GRIA1: variants seen among roughly 807,000 people sequenced by gnomAD.
GRIA1 encodes the protein glutamate receptor 1.
GRIA1 carries 31 observed loss-of-function variants against 99.2 expected under a neutral mutation model. The ratio of observed to expected loss-of-function variants is 0.31; its 90% CI spans 0.23 to 0.42. GRIA1 has a LOEUF of 0.42. Ranked by LOEUF, GRIA1 falls within the 10% of genes least tolerant of loss-of-function variation. The pLI is 1.00. For synonymous variants in GRIA1, 438 were observed against 432.4 expected (o/e 1.01, Z -0.16); for missense variants, 782 against 1,157.5 (o/e 0.68, Z 4.71).
At chr5:153,566,218 C>T (rs1034993054) in intron 2 of GRIA1, among the ~76,000 whole-genome samples, 6 of 150,162 alleles carry the variant, frequency 4.0e-5, no homozygotes, top group Admixed American at 6.7e-5. Context: ...CATTTTGTAA[C>T]GACTGATGGG....
intron 11 of GRIA1, 116 bp downstream of exon 11, chr5:153,706,183 T>G (rs1165387382): frequency 9.9e-7 from 1 of 1,011,092 alleles, no homozygotes; most frequent in Non-Finnish European, 1.5e-6. Flanking sequence ...ACCACTGTAT[T>G]CAGTTTTTCA....
At position 153,526,732 on chromosome 5, in the gene GRIA1, C is replaced by T. The variant is rs1275965793; in HGVS notation, c.220+32667C>T. ...ATCTGCAGGAGGCAGATCCTATTTG[C>T]CCGGGATCACACTGAAACACAAAGA... On this transcript the variant is annotated intron_variant, in intron 2 of 15. Transcript: ENST00000285900. Among the ~76,000 whole-genome samples, 3 of 152,200 alleles carry T rather than the reference C, an allele frequency of 2.0e-5. No homozygotes were observed. The East Asian group carries it at 5.8e-4, about 29-fold the overall frequency.
chr5:153,670,436 T>C (rs1205116331), intron 5 of GRIA1, among the ~76,000 whole-genome samples: 2 of 126,166 alleles, frequency 1.6e-5, no homozygotes, highest in East Asian at 3.9e-4. Flanking sequence ...CTCTGTAGAT[T>C]AATTTCATTT....
chr5:153,701,619 C>CAAAAAAAAAAA (rs70978504), intron 10 of GRIA1, among the ~76,000 whole-genome samples: 819 of 39,368 alleles, frequency 0.021, 170 homozygotes, highest in African/African-American at 0.055. Context: ...AGACCCGTCT[C>CAAAAAAAAAAA]AAAAAAAAAA....
At chr5:153,641,131 C>T (rs144623094) in intron 2 of GRIA1, among the ~76,000 whole-genome samples, 4 of 152,046 alleles carry the variant, frequency 2.6e-5, no homozygotes, top group Non-Finnish European at 4.4e-5. Context: ...GGAATGAGTG[C>T]CTGAAAGTCC....
intron 2 of GRIA1, among the ~76,000 whole-genome samples, chr5:153,612,744 A>G (rs975741568): frequency 2.6e-5 from 4 of 152,138 alleles, no homozygotes; most frequent in South Asian, 2.1e-4. Flanking sequence ...AAGAACTTCA[A>G]TTTAGTATTT....
chr5:153,571,850 T>G (rs1239461416), intron 2 of GRIA1, among the ~76,000 whole-genome samples: 1 of 152,210 alleles, frequency 6.6e-6, no homozygotes, highest in African/African-American at 2.4e-5. Flanking sequence ...TTGCTTCCCA[T>G]GGGCTGTTGA....
chr5:153,527,896 G>A (rs926105898), intron 2 of GRIA1, among the ~76,000 whole-genome samples: 2 of 152,104 alleles, frequency 1.3e-5, no homozygotes, highest in East Asian at 1.9e-4. Flanking sequence ...GATCAATTTC[G>A]TCAAAAGATT....
chr5:153,616,885 A>T (rs1441967665), intron 2 of GRIA1, among the ~76,000 whole-genome samples: 1 of 152,158 alleles, frequency 6.6e-6, no homozygotes, highest in African/African-American at 2.4e-5. Flanking sequence ...CAGTGTTTTC[A>T]TCCTTATAAT....
intron 2 of GRIA1, among the ~76,000 whole-genome samples, chr5:153,564,622 A>G (rs1245269098): frequency 6.6e-6 from 1 of 152,180 alleles, no homozygotes; most frequent in African/African-American, 2.4e-5. Context: ...AGGCCTCTGC[A>G]TTGGGCCTGA....
chr5:153,583,267 C>T (rs561511165), intron 2 of GRIA1, among the ~76,000 whole-genome samples: 31 of 152,244 alleles, frequency 2.0e-4, no homozygotes, highest in South Asian at 4.1e-4. Flanking sequence ...TATTAGGTTC[C>T]TAGTGTTTCT....
intron 5 of GRIA1, among the ~76,000 whole-genome samples, chr5:153,672,822 T>C (rs1411387590): frequency 6.6e-6 from 1 of 152,192 alleles, no homozygotes; most frequent in Non-Finnish European, 1.5e-5. Flanking sequence ...TCATTGGAAT[T>C]TGGTGGTTTC....
intron 13 of GRIA1, among the ~76,000 whole-genome samples, chr5:153,785,273 C>G (rs1049388795): frequency 9.2e-5 from 14 of 152,220 alleles, no homozygotes; most frequent in African/African-American, 3.4e-4. Flanking sequence ...AAATTCTCAC[C>G]CTAAATAGCC....
chr5:153,715,473 T>G (rs1759603932), intron 11 of GRIA1, among the ~76,000 whole-genome samples: 1 of 152,122 alleles, frequency 6.6e-6, no homozygotes, highest in African/African-American at 2.4e-5. Context: ...ATTCTGACTC[T>G]ACTACCTACT....
rs190086191 is a variant in GRIA1 at position 153,634,467 on chromosome 5, T to A, written c.221-12461T>A. 3.9e-5 allele frequency among the ~76,000 whole-genome samples: 6 copies of A among 152,182 alleles called. No homozygotes were observed. The East Asian group carries it at 9.7e-4, about 25-fold the overall frequency. On this transcript the variant is annotated intron_variant, in intron 2 of 15. Transcript: ENST00000285900. ...GAGCTTTCTAGGAGATAACAGCTTG[T>A]GTAAAACCTCAAGGCAAGAAAGTCG...
At chr5:153,604,779 T>A (rs1389025852) in intron 2 of GRIA1, among the ~76,000 whole-genome samples, 1 of 152,144 alleles carries the variant, frequency 6.6e-6, no homozygotes, top group Non-Finnish European at 1.5e-5. Flanking sequence ...TATAAAACCA[T>A]CCATAAGGAA....
intron 2 of GRIA1, among the ~76,000 whole-genome samples, chr5:153,590,012 G>A (rs1297619671): frequency 6.6e-6 from 1 of 152,048 alleles, no homozygotes; most frequent in Non-Finnish European, 1.5e-5. Context: ...ATTAATATTG[G>A]TGATTCAAAA....
chr5:153,705,177 G>T lies in GRIA1; in HGVS notation c.1453-520G>T, dbSNP rs906246822. 3.9e-5 allele frequency among the ~76,000 whole-genome samples: 6 copies of T among 152,118 alleles called. 1 individual carries two copies. Among genetic ancestry groups the T allele is most frequent in the Admixed American group, 3.3e-4 (5 of 15,272 alleles). On this transcript the variant is annotated intron_variant, in intron 10 of 15. Transcript: ENST00000285900. Reference sequence around the variant, plus strand: ...AGTTGCCTGAATTATGACATAAGGGGTCATCCTCTGCATCTCTCAGGACTA... The same window carrying T: ...AGTTGCCTGAATTATGACATAAGGGTTCATCCTCTGCATCTCTCAGGACTA...
At chr5:153,498,376 C>T (rs1468478041) in intron 2 of GRIA1, among the ~76,000 whole-genome samples, 1 of 152,158 alleles carries the variant, frequency 6.6e-6, no homozygotes, top group Non-Finnish European at 1.5e-5. Flanking sequence ...AAACTGCTGT[C>T]AGAAAGACCA....
Sources: gnomAD v4.1 joint callset for allele counts (sites outside exome capture counted in the v4.1 genomes callset) on GRCh38, gnomAD v4.1.1 for gene constraint, MANE v1.5 for transcripts, NCBI Gene and HGNC (gene_info 2026-07-23, HGNC 2026-07-21) for gene names.